The following MYADML2 variants were observed in gnomAD, a reference collection of about 807,000 sequenced individuals.
The protein encoded by MYADML2 is myeloid-associated differentiation marker-like protein 2.
In MYADML2, 17 loss-of-function variants were observed where a neutral mutation model predicts 16.0. The observed-to-expected ratio is 1.06, with a 90% confidence interval of 0.73 to 1.60. The LOEUF is 1.60. Among genes scored for constraint, MYADML2 ranks in the 40% most tolerant of loss-of-function variants. The pLI, the probability that MYADML2 is intolerant of heterozygous loss-of-function variation, is 0.00. For missense variants in MYADML2, 422 were observed against 437.7 expected, an observed-to-expected ratio of 0.96 and a Z score of 0.32; for synonymous variants, 210 against 208.1, an observed-to-expected ratio of 1.01 and a Z score of -0.08.
chr17:81,945,016 A>G (rs2041332662), intron 1 of MYADML2, among the ~76,000 whole-genome samples: 1 of 152,188 alleles, frequency 6.6e-6, no homozygotes, highest in Admixed American at 6.5e-5. Context: ...CTGTCATCCC[A>G]GCGCTTTGGG....
rs2041295070 is a variant in MYADML2 at position 81,940,759 on chromosome 17, C to T, written c.*59G>A. On this transcript the variant is annotated 3_prime_UTR_variant, in exon 3 of 3. Coordinates refer to ENST00000409745, the MANE Select transcript of MYADML2 (RefSeq NM_001145113.3). ...TGACACTTTGGTTCACCTGAGTTTCCCTCGCAGAGCCTGGAGCTGGTGGCC... is the reference window on the plus strand; with the variant it reads ...TGACACTTTGGTTCACCTGAGTTTCTCTCGCAGAGCCTGGAGCTGGTGGCC... 3 of 1,452,400 alleles carry T rather than the reference C, an allele frequency of 2.1e-6. No individual in the cohort carries two copies. Among genetic ancestry groups the T allele is most frequent in the Non-Finnish European group, 2.7e-6 (3 of 1,096,304 alleles). 90.0% of individuals were successfully genotyped at this position (1,452,400 alleles called of 1,614,324 possible).
At position 81,941,596 on chromosome 17, in the gene MYADML2, A is replaced by C; in HGVS notation, c.146T>G (p.Val49Gly). The stretch of plus-strand genomic sequence containing the variant: ...GGCGGCCATGCAGAAGGTGCCCTGG[A>C]CGCCCGCAAAGCCACCCCGGTGGGC... ...LVAHRGGFAG[V>G]QGTFCMAAWG... is the part of the protein sequence containing the mutation. The change falls in exon 3 of 3, where the codon GTC (valine) becomes GGC (glycine). Residue 49 changes from valine to glycine, a missense_variant. Coordinates refer to ENST00000409745, the MANE Select transcript of MYADML2 (RefSeq NM_001145113.3). 6.5e-7 allele frequency: 1 copy of C among 1,548,694 alleles called. No homozygotes were observed. The highest frequency in any genetic ancestry group is 8.7e-7 in the Non-Finnish European group (1 of 1,146,814).
intron 1 of MYADML2, among the ~76,000 whole-genome samples, chr17:81,943,493 TC>T (rs2041321600): frequency 6.6e-6 from 1 of 150,622 alleles, no homozygotes; most frequent in South Asian, 2.1e-4. Flanking sequence ...AAGCTCTGCC[TC>T]CCAGGTTCAC....
chr17:81,945,278 A>C (rs942166227), intron 1 of MYADML2, among the ~76,000 whole-genome samples: 8 of 151,368 alleles, frequency 5.3e-5, no homozygotes, highest in African/African-American at 1.2e-4. Flanking sequence ...GGTGGCTCAC[A>C]CCTGTAATCC....
intron 1 of MYADML2, among the ~76,000 whole-genome samples, chr17:81,946,406 T>C (rs933276171): frequency 1.0e-4 from 15 of 150,394 alleles, no homozygotes; most frequent in Non-Finnish European, 1.8e-4. Context: ...CCCAGCACTT[T>C]GGGAGGCTGA....
At position 81,940,784 on chromosome 17, in the gene MYADML2, C is replaced by T. The variant is rs2143918025; in HGVS notation, c.*34G>A. Reference sequence around the variant, plus strand: ...CCTCGCAGAGCCTGGAGCTGGTGGCCAGAGAGCAGAGGTGGGTGGGCTGCC... The same window carrying T: ...CCTCGCAGAGCCTGGAGCTGGTGGCTAGAGAGCAGAGGTGGGTGGGCTGCC... On this transcript the variant is annotated 3_prime_UTR_variant, in exon 3 of 3. Coordinates refer to ENST00000409745, the MANE Select transcript of MYADML2 (RefSeq NM_001145113.3). 6.8e-7 allele frequency: 1 copy of T among 1,468,186 alleles called. No homozygotes were observed. The highest frequency in any genetic ancestry group is 9.0e-7 in the Non-Finnish European group (1 of 1,105,066). The allele number at this position is 1,468,186 out of a possible 1,614,324, so 90.9% of individuals were successfully genotyped here.
At chr17:81,945,711 A>T (rs1225202743) in intron 1 of MYADML2, among the ~76,000 whole-genome samples, 16 of 151,724 alleles carry the variant, frequency 1.1e-4, no homozygotes, top group African/African-American at 3.4e-4. Context: ...CAAAAAAAAA[A>T]AAAAAATGAG....
chr17:81,941,527 T>C lies in MYADML2; in HGVS notation c.215A>G (p.Glu72Gly). 1 of 1,547,982 alleles carries C rather than the reference T, an allele frequency of 6.5e-7. No homozygotes were observed. The highest frequency in any genetic ancestry group is 8.7e-7 in the Non-Finnish European group (1 of 1,146,240). Reference protein sequence around the residue: ...FAVSALVVACEFTRLHGCLRL... With the variant: ...FAVSALVVACGFTRLHGCLRL... ...CAGGCAGCCGTGGAGCCGTGTGAAC[T>C]CACAGGCCACCACCAGCGCAGAGAC... Residue 72 changes from glutamate (E) to glycine (G), a missense_variant, in exon 3 of 3, where the codon GAG becomes GGG. Physicochemically the swap from Glu to Gly is moderately conservative, Grantham distance 98. Transcript: ENST00000409745.
intron 1 of MYADML2, among the ~76,000 whole-genome samples, chr17:81,946,433 G>A (rs527486389): frequency 1.5e-3 from 228 of 151,542 alleles, no homozygotes; most frequent in Non-Finnish European, 2.4e-3. Context: ...CGGATCACAA[G>A]GTCAGGAGAT....
chr17:81,944,605 T>C (rs1277300401), intron 1 of MYADML2, among the ~76,000 whole-genome samples: 10 of 152,080 alleles, frequency 6.6e-5, no homozygotes, highest in Non-Finnish European at 8.8e-5. Context: ...CCAATCCCCT[T>C]GAATTTCCTG....
In MYADML2 at chr17:81,941,064, G is replaced by C. The variant is rs1417970284; in HGVS notation, c.678C>G (p.Pro226=). Residue 226 remains proline, a synonymous_variant, in exon 3 of 3, where the codon CCC becomes CCG. Transcript: ENST00000409745. ...TGTACACCACCACCAGCCGGTCAAA[G>C]GGGCAGCCCAGGCCCCCTGTGTGGC... ...VMGHTGGLGC[P]FDRLVVVYTF... 1.9e-6 allele frequency: 3 copies of C among 1,550,426 alleles called. No individual in the cohort carries two copies. Among genetic ancestry groups the C allele is most frequent in the Non-Finnish European group, 2.6e-6 (3 of 1,146,986 alleles).
rs1393217945 is a variant in MYADML2 at position 81,946,385 on chromosome 17, ATG to A, written c.-181+672_-181+673del. On this transcript the variant is annotated intron_variant, in intron 1 of 2. Transcript: ENST00000409745. ...AAGAAAAGGCCGGGCGCGGTGGCTCATGCCTGTAATCCCAGCACTTTGGGAGG... is the reference window on the plus strand; with the variant it reads ...AAGAAAAGGCCGGGCGCGGTGGCTCACCTGTAATCCCAGCACTTTGGGAGG... Among the ~76,000 whole-genome samples, 708 of 151,734 alleles carry A rather than the reference ATG, an allele frequency of 4.7e-3. 13 individuals carry two copies. Among genetic ancestry groups the A allele is most frequent in the African/African-American group, 0.016 (668 of 41,274 alleles).
Position 81,941,059 on chromosome 17 carries a change from T to C in MYADML2, c.683A>G (p.Asp228Gly). Reference sequence around the variant, plus strand: ...GAAGGTGTACACCACCACCAGCCGGTCAAAGGGGCAGCCCAGGCCCCCTGT... The same window carrying C: ...GAAGGTGTACACCACCACCAGCCGGCCAAAGGGGCAGCCCAGGCCCCCTGT... ...GHTGGLGCPF[D>G]RLVVVYTFLA... The change falls in exon 3 of 3, where the codon GAC (aspartate) becomes GGC (glycine). Residue 228 changes from aspartate (D) to glycine (G), a missense_variant. Asp to Gly is a moderately conservative substitution (Grantham distance 94). Coordinates refer to ENST00000409745, the MANE Select transcript of MYADML2 (RefSeq NM_001145113.3). The C allele has an allele frequency of 6.5e-7, 1 of 1,550,218 alleles. No individual in the cohort carries two copies. Among genetic ancestry groups the C allele is most frequent in the Non-Finnish European group, 8.7e-7 (1 of 1,146,926 alleles).
In MYADML2 at chr17:81,940,500, A is replaced by G; in HGVS notation, c.*318T>C. ...TGGGTCACAACAGCAGCTGCTTTAAAGTTTTCCCTTATGATGTTCCAGTGA... is the reference window on the plus strand; with the variant it reads ...TGGGTCACAACAGCAGCTGCTTTAAGGTTTTCCCTTATGATGTTCCAGTGA... On this transcript the variant is annotated 3_prime_UTR_variant, in exon 3 of 3. Coordinates refer to ENST00000409745, the MANE Select transcript of MYADML2 (RefSeq NM_001145113.3). The G allele has an allele frequency of 3.2e-6, 1 of 309,018 alleles. No individual in the cohort carries two copies. Among genetic ancestry groups the G allele is most frequent in the Non-Finnish European group, 6.0e-6 (1 of 166,228 alleles). 19.1% of individuals were successfully genotyped at this position (309,018 alleles called of 1,614,324 possible).
At position 81,941,402 on chromosome 17, in the gene MYADML2, C is replaced by T. The variant is rs1188158201; in HGVS notation, c.340G>A (p.Glu114Lys). The stretch of plus-strand genomic sequence containing the variant: ...CAGCCGGCGGGCTCGGGGGAACACT[C>T]CCGCCGGGCAAAGTACAGCGGATAC... Reference protein sequence around the residue: ...VLYPLYFARRECSPEPAGCAA... With the variant: ...VLYPLYFARRKCSPEPAGCAA... The change falls in exon 3 of 3, where the codon GAG becomes AAG. Residue 114 changes from glutamate (E) to lysine (K), a missense_variant. Coordinates refer to ENST00000409745, the MANE Select transcript of MYADML2 (RefSeq NM_001145113.3). The T allele has an allele frequency of 3.2e-6, 5 of 1,548,964 alleles. No homozygotes were observed. Among genetic ancestry groups the T allele is most frequent in the South Asian group, 1.2e-5 (1 of 84,028 alleles).
Position 81,941,836 on chromosome 17 carries a change from C to T in MYADML2, c.-95G>A. 2 of 1,210,146 alleles carry T rather than the reference C, an allele frequency of 1.7e-6. No individual in the cohort carries two copies. Among genetic ancestry groups the T allele is most frequent in the Non-Finnish European group, 1.1e-6 (1 of 884,454 alleles). The allele number at this position is 1,210,146 out of a possible 1,614,324, so 75.0% of individuals were successfully genotyped here. ...CAGTCCTCTGCGGTAGTGGCAGGTG[C>T]CTGCAGCCTGCAGAGGCAGTGACGA... On this transcript the variant is annotated 5_prime_UTR_variant, in exon 3 of 3. Transcript: ENST00000409745.
In MYADML2 at chr17:81,940,989, G is replaced by C; in HGVS notation, c.753C>G (p.Val251=). ...LYLSAAVIWP[V]FCFDPKYGEP... is the part of the protein sequence containing the mutation. The stretch of plus-strand genomic sequence containing the variant: ...CACCGTACTTGGGATCGAAACAGAA[G>C]ACTGGCCAGATCACGGCGGCGCTGA... Residue 251 remains valine, a synonymous_variant, in exon 3 of 3, where the codon GTC becomes GTG. Coordinates refer to ENST00000409745, the MANE Select transcript of MYADML2 (RefSeq NM_001145113.3). 1.3e-6 allele frequency: 2 copies of C among 1,550,664 alleles called. No homozygotes were observed. The highest frequency in any genetic ancestry group is 1.7e-6 in the Non-Finnish European group (2 of 1,146,986).
chr17:81,944,759 G>A (rs2041330977), intron 1 of MYADML2, among the ~76,000 whole-genome samples: 1 of 152,170 alleles, frequency 6.6e-6, no homozygotes, highest in South Asian at 2.1e-4. Flanking sequence ...AGGGACAGGG[G>A]CTGAAGGCTG....
Position 81,941,697 on chromosome 17 carries a change from C to G in MYADML2, c.45G>C (p.Leu15=), listed in dbSNP as rs1476755708. 6.5e-7 allele frequency: 1 copy of G among 1,543,814 alleles called. No individual in the cohort carries two copies. Among genetic ancestry groups the G allele is most frequent in the East Asian group, 2.5e-5 (1 of 40,784 alleles). ...MEPPGGAYLH[L]GAVTSPVGTA... ...TGCCCACAGGGGATGTCACGGCGCC[C>G]AGGTGCAGGTACGCACCCCCAGGGG... Residue 15 remains leucine, a synonymous_variant, in exon 3 of 3, where the codon CTG becomes CTC. Coordinates refer to ENST00000409745, the MANE Select transcript of MYADML2 (RefSeq NM_001145113.3).
Sources: gnomAD v4.1 joint callset for allele counts (sites outside exome capture counted in the v4.1 genomes callset) on GRCh38, gnomAD v4.1.1 for gene constraint, MANE v1.5 for transcripts, NCBI Gene and HGNC (gene_info 2026-07-23, HGNC 2026-07-21) for gene names.